DMD: variants seen among roughly 807,000 people sequenced by gnomAD.
DMD encodes mutant dystrophin.
Under a neutral mutation model 330.1 loss-of-function variants are expected in DMD, and 63 were observed. That is an observed-to-expected ratio of 0.19 (90% confidence interval 0.16 to 0.24). DMD has a LOEUF of 0.24. DMD is among the 10% of genes least tolerant of loss of function. The pLI, the probability that DMD is intolerant of heterozygous loss-of-function variation, is 1.00. For missense variants in DMD, 3,344 were observed against 2,684.1 expected (o/e 1.25, Z -5.43); for synonymous variants, 1,223 against 959.8 (o/e 1.27, Z -5.07).
chrX:31,144,273 C>T lies in DMD; in HGVS notation c.10921+2018G>A, dbSNP rs190139912. Among the ~76,000 whole-genome samples, 9 of 111,429 alleles carry T rather than the reference C, an allele frequency of 8.1e-5. No individual in the cohort carries two copies. In the Admixed American group the frequency reaches 8.6e-4, roughly 11 times the overall value. On this transcript the variant is annotated intron_variant, in intron 76 of 78. Coordinates refer to ENST00000357033, the MANE Select transcript of DMD (RefSeq NM_004006.3). ...CCATCTTCTTCAACATCTTTTCCAT[C>T]CTGATCTACCACTGTCGTCAGGATC...
intron 63 of DMD, among the ~76,000 whole-genome samples, chrX:31,247,492 C>T (rs768551790): frequency 1.8e-5 from 2 of 108,270 alleles, no homozygotes; most frequent in East Asian, 5.8e-4. Flanking sequence ...CCCAGCTACT[C>T]GGGAAGCTGA....
At chrX:31,845,058 A>G (rs1200917509) in intron 48 of DMD, among the ~76,000 whole-genome samples, 2 of 91,107 alleles carry the variant, frequency 2.2e-5, no homozygotes, top group African/African-American at 4.7e-5. Flanking sequence ...ATATGTGTGT[A>G]TATATATGTA....
chrX:32,450,558 T>TA (rs777433952), intron 26 of DMD, among the ~76,000 whole-genome samples: 11 of 110,693 alleles, frequency 9.9e-5, no homozygotes, highest in Non-Finnish European at 1.9e-4. Flanking sequence ...AGCCATGTCA[T>TA]AAGTGCTACC....
intron 1 of DMD, among the ~76,000 whole-genome samples, chrX:33,122,897 G>A (rs2095433722): frequency 8.9e-6 from 1 of 111,938 alleles, no homozygotes; most frequent in Non-Finnish European, 1.9e-5. Context: ...TTTATTTCAT[G>A]TTCTTCCTTT....
Position 32,329,994 on chromosome X carries a change from A to T in DMD, c.5922+12106T>A, listed in dbSNP as rs193081829. On this transcript the variant is annotated intron_variant, in intron 41 of 78. Transcript: ENST00000357033. The stretch of plus-strand genomic sequence containing the variant: ...TCCTCTGTTTTACATGCGTTAAAAT[A>T]GCTATTTAGGAATTTTAAAAACTGC... 1.3e-4 allele frequency among the ~76,000 whole-genome samples: 15 copies of T among 112,439 alleles called. 1 individual carries two copies. The East Asian group carries it at 3.9e-3, about 29-fold the overall frequency.
At chrX:32,533,969 A>C (rs2047712661) in intron 17 of DMD, among the ~76,000 whole-genome samples, 1 of 112,006 alleles carries the variant, frequency 8.9e-6, no homozygotes, top group Non-Finnish European at 1.9e-5. Context: ...TCTGACGTGT[A>C]CTTAATGCCC....
chrX:31,673,417 A>G (rs1208832842), intron 53 of DMD, among the ~76,000 whole-genome samples: 1 of 111,217 alleles, frequency 9.0e-6, no homozygotes, highest in African/African-American at 3.3e-5. Flanking sequence ...GTTTGAGACC[A>G]GCCTGGCCAA....
intron 7 of DMD, among the ~76,000 whole-genome samples, chrX:32,807,302 C>T (rs963062382): frequency 1.8e-5 from 2 of 109,522 alleles, no homozygotes; most frequent in African/African-American, 3.3e-5. Flanking sequence ...TACAAACTAC[C>T]ATCAGAGAAT....
At chrX:32,454,064 G>A (rs186057936) in intron 26 of DMD, among the ~76,000 whole-genome samples, 1 of 110,398 alleles carries the variant, frequency 9.1e-6, no homozygotes, top group African/African-American at 3.3e-5. Context: ...AAGGCCATAC[G>A]AAATGCCACT....
At chrX:31,792,102 C>T (rs747575322) in intron 50 of DMD, among the ~76,000 whole-genome samples, 11 of 111,816 alleles carry the variant, frequency 9.8e-5, no homozygotes, top group Non-Finnish European at 1.9e-4. Flanking sequence ...CCAGTAGTTT[C>T]CCAGTACATG....
Position 33,129,280 on chromosome X carries a change from A to G in DMD, c.31+82002T>C, listed in dbSNP as rs189919373. 7.6e-5 allele frequency among the ~76,000 whole-genome samples: 7 copies of G among 92,138 alleles called. No homozygotes were observed. The East Asian group carries it at 2.8e-3, about 37-fold the overall frequency. 80.0% of individuals were successfully genotyped at this position (92,138 alleles called of 115,157 possible). On this transcript the variant is annotated intron_variant, in intron 1 of 78. Coordinates refer to ENST00000357033, the MANE Select transcript of DMD (RefSeq NM_004006.3). ...TTCTTTAGAGTAAGTTGTTAAAATG[A>G]TTGAAGTTCATGTAAAAGAAATCCA...
chrX:31,713,929 G>A (rs887284010), intron 52 of DMD, among the ~76,000 whole-genome samples: 3 of 111,286 alleles, frequency 2.7e-5, no homozygotes, highest in Non-Finnish European at 3.8e-5. Context: ...AAAAATTAGG[G>A]CAAGTTGCAA....
intron 9 of DMD, among the ~76,000 whole-genome samples, chrX:32,670,879 A>T (rs1291176615): frequency 9.0e-6 from 1 of 111,632 alleles, no homozygotes; most frequent in African/African-American, 3.2e-5. Context: ...GATTCTGTGA[A>T]TGCCAAAAGC....
At chrX:32,702,891 A>T (rs1259066036) in intron 7 of DMD, among the ~76,000 whole-genome samples, 1 of 111,630 alleles carries the variant, frequency 9.0e-6, no homozygotes, top group African/African-American at 3.3e-5. Flanking sequence ...ATAAACTGAC[A>T]ATAAAACAAA....
At chrX:31,594,672 G>T (rs1393053311) in intron 55 of DMD, among the ~76,000 whole-genome samples, 2 of 110,779 alleles carry the variant, frequency 1.8e-5, no homozygotes, top group African/African-American at 6.5e-5. Context: ...ATCTTTGGTG[G>T]GATTTACCAT....
intron 30 of DMD, among the ~76,000 whole-genome samples, chrX:32,394,921 A>ACAAAAACAAAAAAAC (rs1557326842): frequency 1.6e-5 from 1 of 63,725 alleles, no homozygotes; most frequent in African/African-American, 5.5e-5. Flanking sequence ...AAAAACAAAA[A>ACAAAAACAAAAAAAC]AAAAAAAAAA....
chrX:32,573,735 C>T lies in DMD; in HGVS notation c.1704+10G>A, dbSNP rs745559212. The T allele has an allele frequency of 1.7e-5, 21 of 1,207,662 alleles. No homozygotes were observed. Among genetic ancestry groups the T allele is most frequent in the Non-Finnish European group, 2.4e-5 (21 of 891,890 alleles). On this transcript the variant is annotated intron_variant, in intron 14 of 78. Coordinates refer to ENST00000357033, the MANE Select transcript of DMD (RefSeq NM_004006.3). ...TGTCTTTTACAGCTAGTTTCTCACA[C>T]ATGACACACCTGTTCTTCAGTAAGA... is the stretch of plus-strand genomic sequence containing the variant.
At chrX:32,364,474 A>G in intron 36 of DMD, 108 bp downstream of exon 36, 1 of 906,591 alleles carries the variant, frequency 1.1e-6, no homozygotes, top group South Asian at 2.1e-5. Context: ...GGAAGGAAGA[A>G]AGGATTGTTT....
chrX:31,182,919 G>T lies in DMD; in HGVS notation c.9808-15C>A, dbSNP rs925953969. On this transcript the variant is annotated splice_polypyrimidine_tract_variant and intron_variant, in intron 67 of 78. Transcript: ENST00000357033. The stretch of plus-strand genomic sequence containing the variant: ...TTATTATTAGCCTGCAAAGACAGGA[G>T]GGAGAGAGAAGGAGGGCAAAAGGAT... 1.7e-5 allele frequency: 20 copies of T among 1,201,288 alleles called. No individual in the cohort carries two copies. The highest frequency in any genetic ancestry group is 2.1e-5 in the Non-Finnish European group (19 of 888,506).
Sources: allele counts gnomAD v4.1 joint callset (sites outside exome capture counted in the v4.1 genomes callset), GRCh38; gene constraint gnomAD v4.1.1; transcripts MANE v1.5; gene names NCBI Gene and HGNC (gene_info 2026-07-23, HGNC 2026-07-21).